The following DOCK8 variants were observed in gnomAD, a reference collection of about 807,000 sequenced individuals.
DOCK8 encodes dedicator of cytokinesis protein 8.
Under a neutral mutation model 245.6 loss-of-function variants are expected in DOCK8, and 141 were observed. The observed-to-expected ratio is 0.57, with a 90% CI of 0.50 to 0.66. The LOEUF (loss-of-function observed/expected upper bound fraction) is 0.66, where lower values mean the gene tolerates loss of function less well. Among genes scored for constraint, DOCK8 ranks in the 30% least tolerant of loss-of-function variants. DOCK8 has a pLI of 0.00. For synonymous variants in DOCK8, 1,168 were observed against 970.2 expected, an observed-to-expected ratio of 1.20 and a Z score of -3.79; for missense variants, 2,965 against 2,603.4, an observed-to-expected ratio of 1.14 and a Z score of -3.02.
At chr9:228,002 A>G (rs765273198) in intron 1 of DOCK8, among the ~76,000 whole-genome samples, 3 of 151,836 alleles carry the variant, frequency 2.0e-5, no homozygotes, top group Non-Finnish European at 4.4e-5. Flanking sequence ...GTCATTGAAA[A>G]CCTCTGAATT....
upstream of DOCK8, chr9:213,762 G>C (rs1017078765): frequency 1.6e-4 from 24 of 150,840 alleles, no homozygotes; most frequent in African/African-American, 5.6e-4. Flanking sequence ...ACGGAGACTT[G>C]CTCTGTCGCC....
At chr9:287,818 C>A (rs1174549641) in intron 3 of DOCK8, among the ~76,000 whole-genome samples, 1 of 152,124 alleles carries the variant, frequency 6.6e-6, no homozygotes, top group Non-Finnish European at 1.5e-5. Context: ...TTAATTTATT[C>A]CTTTATGTAA....
At chr9:431,666 G>A (rs2056718923) in intron 36 of DOCK8, among the ~76,000 whole-genome samples, 1 of 152,080 alleles carries the variant, frequency 6.6e-6, no homozygotes, top group Admixed American at 6.6e-5. Context: ...CCACCACCAT[G>A]CCCAGCTAAT....
chr9:268,946 C>A (rs1453156991), intron 1 of DOCK8, among the ~76,000 whole-genome samples: 1 of 152,182 alleles, frequency 6.6e-6, no homozygotes, highest in Non-Finnish European at 1.5e-5. Flanking sequence ...TAAAATCAGT[C>A]TATCAAGCAC....
At chr9:451,653 G>A (rs1388342789) in intron 45 of DOCK8, among the ~76,000 whole-genome samples, 1 of 151,688 alleles carries the variant, frequency 6.6e-6, no homozygotes, top group Non-Finnish European at 1.5e-5. Context: ...CACACACAGG[G>A]AAAATACATT....
At chr9:403,930 G>GTGTATATATATATGTGTATATATATATA (rs2055263215) in intron 26 of DOCK8, among the ~76,000 whole-genome samples, 3 of 76,888 alleles carry the variant, frequency 3.9e-5, no homozygotes, top group Non-Finnish European at 7.3e-5. Context: ...ATATATATAT[G>GTGTATATATATATGTGTATATATATATA]TGTATATATA....
chr9:400,958 A>ACCACCACCT (rs1427349966), intron 26 of DOCK8, among the ~76,000 whole-genome samples: 1 of 67,820 alleles, frequency 1.5e-5, no homozygotes. Context: ...CACCACCACC[A>ACCACCACCT]CCACCACCTC....
chr9:279,202 G>A (rs2048474176), intron 2 of DOCK8, among the ~76,000 whole-genome samples: 1 of 152,170 alleles, frequency 6.6e-6, no homozygotes, highest in East Asian at 1.9e-4. Flanking sequence ...GAAGTGTGGA[G>A]GTATGGAAGG....
At chr9:302,468 A>G (rs1464197038) in intron 4 of DOCK8, among the ~76,000 whole-genome samples, 1 of 152,256 alleles carries the variant, frequency 6.6e-6, no homozygotes. Flanking sequence ...AGTCCCCAAA[A>G]GCAATGGTAA....
At chr9:281,082 C>T (rs931336739) in intron 2 of DOCK8, among the ~76,000 whole-genome samples, 11 of 152,084 alleles carry the variant, frequency 7.2e-5, no homozygotes, top group Non-Finnish European at 1.0e-4. Flanking sequence ...AGTGGAACCC[C>T]GTCTCCACTA....
intron 14 of DOCK8, among the ~76,000 whole-genome samples, chr9:355,610 C>T (rs1405257731): frequency 6.6e-6 from 1 of 152,140 alleles, no homozygotes; most frequent in Non-Finnish European, 1.5e-5. Flanking sequence ...CTTACTAAAC[C>T]ACACTCCAAA....
At chr9:281,419 G>A (rs960262041) in intron 2 of DOCK8, among the ~76,000 whole-genome samples, 2 of 152,110 alleles carry the variant, frequency 1.3e-5, no homozygotes, top group South Asian at 2.1e-4. Context: ...ACCACATATA[G>A]CAGAACAGCA....
intron 5 of DOCK8, among the ~76,000 whole-genome samples, chr9:311,276 C>A (rs2050098264): frequency 7.0e-6 from 1 of 143,628 alleles, no homozygotes; most frequent in South Asian, 2.1e-4. Context: ...CGCAGCAAGA[C>A]TCGGTCTTTA....
rs559369627 is a variant in DOCK8, at chr9:298,812, C to G, written c.405-5769C>G. Among the ~76,000 whole-genome samples, 9 of 151,722 alleles carry G rather than the reference C, an allele frequency of 5.9e-5. No homozygotes were observed. In the South Asian group the frequency reaches 1.9e-3, roughly 32 times the overall value. ...GGTAGCTGCTTCCTAATTTTTATTTCTGTGGCCCAAAAGTCTCCTTGTAAA... is the reference window on the plus strand; with the variant it reads ...GGTAGCTGCTTCCTAATTTTTATTTGTGTGGCCCAAAAGTCTCCTTGTAAA... On this transcript the variant is annotated intron_variant, in intron 4 of 47. Coordinates refer to ENST00000432829, the MANE Select transcript of DOCK8 (RefSeq NM_203447.4).
chr9:339,107 T>C lies in DOCK8; in HGVS notation c.1516+8T>C. The C allele has an allele frequency of 6.2e-7, 1 of 1,612,582 alleles. No individual in the cohort carries two copies. Among genetic ancestry groups the C allele is most frequent in the Non-Finnish European group, 8.5e-7 (1 of 1,178,724 alleles). On this transcript the variant is annotated splice_region_variant and intron_variant, in intron 13 of 47. Transcript: ENST00000432829. ...GAGTCAAGTCAATTCCAGGTGTGAA[T>C]GACTTATCTTTATCCTCTTTAGCTG...
intron 14 of DOCK8, among the ~76,000 whole-genome samples, chr9:353,942 G>A (rs189338251): frequency 6.6e-6 from 1 of 152,090 alleles, no homozygotes; most frequent in African/African-American, 2.4e-5. Flanking sequence ...ATCAACACTG[G>A]AACCAAGGAA....
At chr9:216,085 A>G (rs1340765292) in intron 1 of DOCK8, among the ~76,000 whole-genome samples, 1 of 152,224 alleles carries the variant, frequency 6.6e-6, no homozygotes, top group East Asian at 1.9e-4. Flanking sequence ...TCTAGAGGGC[A>G]TATCGAGCTT....
chr9:259,024 C>T (rs582933), intron 1 of DOCK8, among the ~76,000 whole-genome samples: 2 of 151,770 alleles, frequency 1.3e-5, no homozygotes, highest in Admixed American at 1.3e-4. Flanking sequence ...AAACAACTCT[C>T]GGTTGAGTGT....
chr9:293,154 A>T (rs1166989295), intron 4 of DOCK8, among the ~76,000 whole-genome samples: 1 of 152,138 alleles, frequency 6.6e-6, no homozygotes. Flanking sequence ...CAACTTCAGA[A>T]CTCATTGTCA....
Sources: gnomAD v4.1 joint callset for allele counts (sites outside exome capture counted in the v4.1 genomes callset) on GRCh38, gnomAD v4.1.1 for gene constraint, MANE v1.5 for transcripts, NCBI Gene and HGNC (gene_info 2026-07-23, HGNC 2026-07-21) for gene names.